The following MAGI2 variants were observed in gnomAD, a reference collection of about 807,000 sequenced individuals.
The protein encoded by MAGI2 is membrane associated guanylate kinase, WW and PDZ domain containing 2.
A neutral mutation model predicts 133.3 loss-of-function variants in MAGI2; 35 were observed. That is an observed-to-expected ratio of 0.26 (90% CI 0.20 to 0.35). The LOEUF is 0.35. Among genes scored for constraint, MAGI2 ranks in the 10% least tolerant of loss-of-function variants. MAGI2 has a pLI of 1.00. For synonymous variants in MAGI2, 729 were observed against 710.6 expected (o/e 1.03, Z -0.41); for missense variants, 1,636 against 1,863.4 (o/e 0.88, Z 2.25).
At chr7:78,171,241 T>G (rs1238252718) in intron 14 of MAGI2, among the ~76,000 whole-genome samples, 2 of 152,242 alleles carry the variant, frequency 1.3e-5, no homozygotes, top group African/African-American at 2.4e-5. Flanking sequence ...GACTGGATAA[T>G]CTATGATTGT....
rs901803086 is a variant in MAGI2 at position 78,060,250 on chromosome 7, C to T, written c.3706+18697G>A. On this transcript the variant is annotated intron_variant, in intron 21 of 21. Transcript: ENST00000354212. ...TATTTAAAAAACAAAAGGGACCCCC[C>T]CCCCTCTTTAGATTAGATTGAGAGT... 1.5e-3 allele frequency among the ~76,000 whole-genome samples: 169 copies of T among 113,138 alleles called. 6 individuals are homozygous for T. The East Asian group carries it at 0.056, about 37-fold the overall frequency. 74.2% of individuals were successfully genotyped at this position (113,138 alleles called of 152,430 possible).
intron 10 of MAGI2, among the ~76,000 whole-genome samples, chr7:78,221,055 C>T (rs192924559): frequency 1.3e-5 from 2 of 152,284 alleles, no homozygotes; most frequent in East Asian, 1.9e-4. Flanking sequence ...GCCATGTTGC[C>T]AGGTCACTTT....
At chr7:79,230,703 G>T (rs1318013180) in intron 1 of MAGI2, among the ~76,000 whole-genome samples, 2 of 151,974 alleles carry the variant, frequency 1.3e-5, no homozygotes, top group Non-Finnish European at 2.9e-5. Context: ...CCCTTTGTCA[G>T]ATGAGTAGGT....
chr7:78,514,016 A>T (rs775204761), intron 4 of MAGI2, among the ~76,000 whole-genome samples: 19 of 139,256 alleles, frequency 1.4e-4, no homozygotes, highest in Non-Finnish European at 2.7e-4. Context: ...TGAACCCAGG[A>T]GGCAGAGGTT....
At chr7:78,253,487 G>GT (rs1437831425) in intron 10 of MAGI2, 4 of 151,388 alleles carry the variant, frequency 2.6e-5, no homozygotes, top group African/African-American at 9.8e-5. Context: ...ACATTGGTGA[G>GT]TGTTGTGGTA....
At chr7:78,434,619 A>G (rs962530941) in intron 6 of MAGI2, among the ~76,000 whole-genome samples, 4 of 152,168 alleles carry the variant, frequency 2.6e-5, no homozygotes, top group Admixed American at 2.6e-4. Flanking sequence ...TCCATCTCCT[A>G]TATTATCCTT....
chr7:78,709,626 T>C (rs190872757), intron 2 of MAGI2, among the ~76,000 whole-genome samples: 3 of 152,316 alleles, frequency 2.0e-5, no homozygotes, highest in Admixed American at 6.5e-5. Context: ...ACATTTACTA[T>C]CCCAGTCCTC....
At chr7:79,057,352 A>G (rs1002222258) in intron 1 of MAGI2, among the ~76,000 whole-genome samples, 4 of 152,178 alleles carry the variant, frequency 2.6e-5, no homozygotes, top group Admixed American at 2.6e-4. Context: ...TCTGAAATCT[A>G]TTGAAAAATG....
intron 1 of MAGI2, among the ~76,000 whole-genome samples, chr7:79,190,228 A>G (rs1340977664): frequency 6.6e-6 from 1 of 151,810 alleles, no homozygotes; most frequent in East Asian, 1.9e-4. Context: ...TGGTTTTACC[A>G]TTTTTTATTC....
chr7:78,985,275 G>C (rs1452946439), intron 2 of MAGI2, among the ~76,000 whole-genome samples: 1 of 151,928 alleles, frequency 6.6e-6, no homozygotes, highest in Admixed American at 6.6e-5. Flanking sequence ...TATACTCATG[G>C]TTTTATTTTT....
intron 6 of MAGI2, among the ~76,000 whole-genome samples, chr7:78,455,622 A>C (rs1789228230): frequency 6.6e-6 from 1 of 152,146 alleles, no homozygotes; most frequent in Admixed American, 6.5e-5. Flanking sequence ...TGCAGAGCAC[A>C]TTACCTGGCC....
At chr7:78,771,349 G>T (rs1287499988) in intron 2 of MAGI2, 1 of 152,180 alleles carries the variant, frequency 6.6e-6, no homozygotes, top group African/African-American at 2.4e-5. Flanking sequence ...AGGGAGGGGG[G>T]CGGCTCTAGG....
chr7:78,415,612 A>G (rs1028711202), intron 6 of MAGI2, among the ~76,000 whole-genome samples: 9 of 152,164 alleles, frequency 5.9e-5, no homozygotes, highest in Admixed American at 2.6e-4. Flanking sequence ...TATCAAGTGG[A>G]AAGAGGCATT....
At chr7:78,655,906 G>A (rs1385961667) in intron 2 of MAGI2, among the ~76,000 whole-genome samples, 4 of 150,808 alleles carry the variant, frequency 2.7e-5, no homozygotes, top group African/African-American at 7.3e-5. Context: ...GCCTGAACCC[G>A]GGAGGCGGAG....
At chr7:79,257,679 G>T (rs527489061) in intron 1 of MAGI2, among the ~76,000 whole-genome samples, 11 of 152,324 alleles carry the variant, frequency 7.2e-5, no homozygotes, top group African/African-American at 2.4e-4. Context: ...ATATGGCAAA[G>T]TTAAAGTACT....
intron 2 of MAGI2, among the ~76,000 whole-genome samples, chr7:78,826,072 G>A (rs976625763): frequency 6.6e-6 from 1 of 152,156 alleles, no homozygotes; most frequent in East Asian, 1.9e-4. Context: ...ATATTAATAG[G>A]CCAGGCACGG....
intron 2 of MAGI2, among the ~76,000 whole-genome samples, chr7:78,709,313 G>T (rs323174): frequency 0.69 from 103,736 of 149,288 alleles, 36,322 homozygotes; most frequent in East Asian, 0.82. Context: ...ACCTCCCTCA[G>T]GCTTCAACTA....
At chr7:78,592,827 TC>T (rs1298962478) in intron 3 of MAGI2, among the ~76,000 whole-genome samples, 4 of 88,930 alleles carry the variant, frequency 4.5e-5, no homozygotes, top group Admixed American at 1.4e-4. Context: ...TTACTGATTC[TC>T]TTTTTTTTTT....
chr7:79,372,363 T>C (rs1455163486), intron 1 of MAGI2, among the ~76,000 whole-genome samples: 1 of 152,118 alleles, frequency 6.6e-6, no homozygotes, highest in East Asian at 1.9e-4. Flanking sequence ...TAACAAAGTC[T>C]GGTAATGGGA....
Sources: gnomAD v4.1 joint callset for allele counts (sites outside exome capture counted in the v4.1 genomes callset) on GRCh38, gnomAD v4.1.1 for gene constraint, MANE v1.5 for transcripts, NCBI Gene and HGNC (gene_info 2026-07-23, HGNC 2026-07-21) for gene names.